FOXJ3: variants seen among roughly 807,000 people sequenced by gnomAD.
FOXJ3 encodes the protein forkhead box J3.
In FOXJ3, 22 loss-of-function variants were observed where a neutral mutation model predicts 76.1. That is an observed-to-expected ratio of 0.29 (90% CI 0.21 to 0.41). The LOEUF is 0.41. Ranked by LOEUF, FOXJ3 falls within the 10% of genes least tolerant of loss-of-function variation. The pLI, the probability that FOXJ3 is intolerant of heterozygous loss-of-function variation, is 1.00. For missense variants in FOXJ3, 613 were observed against 762.1 expected, an observed-to-expected ratio of 0.80 and a Z score of 2.30; for synonymous variants, 269 against 261.2, an observed-to-expected ratio of 1.03 and a Z score of -0.29.
At chr1:42,251,492 G>T (rs1421867044) in intron 4 of FOXJ3, among the ~76,000 whole-genome samples, 1 of 151,858 alleles carries the variant, frequency 6.6e-6, no homozygotes, top group African/African-American at 2.4e-5. Context: ...ATACCAGATG[G>T]AGAGTTTTTA....
At chr1:42,314,999 C>G (rs1655022637) in intron 1 of FOXJ3, among the ~76,000 whole-genome samples, 1 of 152,200 alleles carries the variant, frequency 6.6e-6, no homozygotes, top group African/African-American at 2.4e-5. Flanking sequence ...CAACTTTATT[C>G]AGCCATAAAA....
At chr1:42,231,260 A>C (rs1648080841) in intron 4 of FOXJ3, among the ~76,000 whole-genome samples, 1 of 152,152 alleles carries the variant, frequency 6.6e-6, no homozygotes. Flanking sequence ...CAGAAGGCAG[A>C]GCTCGCAGTG....
chr1:42,321,035 A>G (rs1393068997), intron 1 of FOXJ3, among the ~76,000 whole-genome samples: 1 of 152,200 alleles, frequency 6.6e-6, no homozygotes, highest in Non-Finnish European at 1.5e-5. Flanking sequence ...AACTGAAAAG[A>G]TAGGAAGCTA....
intron 2 of FOXJ3, among the ~76,000 whole-genome samples, chr1:42,292,593 A>T (rs1350275131): frequency 6.6e-6 from 1 of 152,236 alleles, no homozygotes; most frequent in African/African-American, 2.4e-5. Flanking sequence ...AGAAAATGCA[A>T]ATATATAATA....
intron 4 of FOXJ3, among the ~76,000 whole-genome samples, chr1:42,261,194 C>T (rs1468175562): frequency 6.7e-6 from 1 of 149,024 alleles, no homozygotes; most frequent in Non-Finnish European, 1.5e-5. Context: ...GACTTATAAC[C>T]CAAAGAATTT....
chr1:42,309,443 C>G (rs1258053428), intron 2 of FOXJ3, among the ~76,000 whole-genome samples: 1 of 152,212 alleles, frequency 6.6e-6, no homozygotes, highest in African/African-American at 2.4e-5. Context: ...GAAGCCTTCC[C>G]TTAGGACTGG....
chr1:42,267,452 A>T (rs1651550536), intron 3 of FOXJ3, among the ~76,000 whole-genome samples: 1 of 152,202 alleles, frequency 6.6e-6, no homozygotes. Context: ...ACTGACAGAC[A>T]GACTCAATCC....
At chr1:42,334,850 G>A (rs951503806) in intron 1 of FOXJ3, 1 of 152,214 alleles carries the variant, frequency 6.6e-6, no homozygotes, top group Non-Finnish European at 1.5e-5. Context: ...CGCCGCGGGG[G>A]AGGGAAGGAC....
At chr1:42,183,405 T>C (rs1409049715) in intron 11 of FOXJ3, among the ~76,000 whole-genome samples, 2 of 141,412 alleles carry the variant, frequency 1.4e-5, no homozygotes, top group Non-Finnish European at 3.0e-5. Flanking sequence ...ATGGATCTCA[T>C]TCAAATTTTA....
At chr1:42,201,248 C>A (rs1646759474) in intron 6 of FOXJ3, among the ~76,000 whole-genome samples, 1 of 152,202 alleles carries the variant, frequency 6.6e-6, no homozygotes, top group African/African-American at 2.4e-5. Flanking sequence ...TTTGTAACTT[C>A]TAACTGGCAA....
intron 11 of FOXJ3, among the ~76,000 whole-genome samples, chr1:42,186,223 G>A (rs1401221770): frequency 6.6e-6 from 1 of 152,074 alleles, no homozygotes; most frequent in African/African-American, 2.4e-5. Context: ...AAAACAAGAG[G>A]AAGCAGGCTG....
chr1:42,230,074 A>G (rs2124467694), intron 4 of FOXJ3, among the ~76,000 whole-genome samples: 1 of 152,216 alleles, frequency 6.6e-6, no homozygotes, highest in East Asian at 1.9e-4. Flanking sequence ...AAATAAATCA[A>G]CAAAAGGGAA....
Position 42,179,393 on chromosome 1 carries a change from G to C in FOXJ3, c.*317C>G, listed in dbSNP as rs1026335130. Reference sequence around the variant, plus strand: ...TATATAAACTGCTTGCAGCAAAATAGGCTCCGTCTGAAAAATCAGTCTGGC... The same window carrying C: ...TATATAAACTGCTTGCAGCAAAATACGCTCCGTCTGAAAAATCAGTCTGGC... On this transcript the variant is annotated 3_prime_UTR_variant, in exon 13 of 13. Coordinates refer to ENST00000361346, the MANE Select transcript of FOXJ3 (RefSeq NM_014947.5). The C allele has an allele frequency of 5.5e-6, 1 of 181,144 alleles. No individual in the cohort carries two copies. Among genetic ancestry groups the C allele is most frequent in the Non-Finnish European group, 1.2e-5 (1 of 86,806 alleles). 11.2% of individuals were successfully genotyped at this position (181,144 alleles called of 1,614,324 possible).
intron 4 of FOXJ3, among the ~76,000 whole-genome samples, chr1:42,231,628 ATTATG>A (rs1323872943): frequency 1.3e-5 from 2 of 152,190 alleles, no homozygotes; most frequent in African/African-American, 4.8e-5. Flanking sequence ...AATGGTAAGA[ATTATG>A]TTATGTATAT....
At chr1:42,226,719 G>A (rs1461964824) in intron 5 of FOXJ3, among the ~76,000 whole-genome samples, 1 of 152,144 alleles carries the variant, frequency 6.6e-6, no homozygotes, top group Non-Finnish European at 1.5e-5. Context: ...TCTGGCCTAA[G>A]AATTCATTTT....
chr1:42,304,515 ATAG>A (rs1259366883), intron 2 of FOXJ3, among the ~76,000 whole-genome samples: 1 of 152,348 alleles, frequency 6.6e-6, no homozygotes, highest in African/African-American at 2.4e-5. Context: ...CTACAGAGCT[ATAG>A]TAACCAAAAC....
intron 4 of FOXJ3, among the ~76,000 whole-genome samples, chr1:42,259,537 C>T (rs769329902): frequency 8.5e-5 from 13 of 152,214 alleles, no homozygotes; most frequent in Non-Finnish European, 1.6e-4. Context: ...ACTGCTCAAA[C>T]AGTATTAACG....
At chr1:42,325,658 G>T (rs1009146775) in intron 1 of FOXJ3, among the ~76,000 whole-genome samples, 6 of 152,166 alleles carry the variant, frequency 3.9e-5, no homozygotes, top group African/African-American at 1.2e-4. Flanking sequence ...CCAAGGAATG[G>T]AAGCTTATAA....
At chr1:42,239,530 G>A (rs1351071546) in intron 4 of FOXJ3, among the ~76,000 whole-genome samples, 1 of 152,012 alleles carries the variant, frequency 6.6e-6, no homozygotes, top group African/African-American at 2.4e-5. Flanking sequence ...TGGTTTTAAA[G>A]GTATATGTAC....
Sources: gnomAD v4.1 joint callset for allele counts (sites outside exome capture counted in the v4.1 genomes callset) on GRCh38, gnomAD v4.1.1 for gene constraint, MANE v1.5 for transcripts, NCBI Gene and HGNC (gene_info 2026-07-23, HGNC 2026-07-21) for gene names.